Variants in CENPP observed in about 807,000 individuals in gnomAD.
CENPP encodes the protein centromere protein P.
CENPP carries 24 observed loss-of-function variants against 35.6 expected under a neutral mutation model. The observed-to-expected ratio is 0.67, with a 90% CI of 0.49 to 0.95. The LOEUF is 0.95. Ranked by LOEUF, CENPP falls within the 40% of genes least tolerant of loss-of-function variation. The pLI, the probability that CENPP is intolerant of heterozygous loss-of-function variation, is 0.00. For synonymous variants in CENPP, 120 were observed against 125.5 expected (o/e 0.96, Z 0.29); for missense variants, 332 against 345.3 (o/e 0.96, Z 0.31).
intron 5 of CENPP, among the ~76,000 whole-genome samples, chr9:92,488,298 C>T (rs1023003403): frequency 3.9e-5 from 6 of 152,142 alleles, no homozygotes; most frequent in African/African-American, 1.4e-4. Flanking sequence ...GCAGATAAGG[C>T]AGTTTGCCTT....
intron 5 of CENPP, among the ~76,000 whole-genome samples, chr9:92,603,274 A>C (rs938427101): frequency 3.9e-5 from 6 of 152,238 alleles, no homozygotes; most frequent in Non-Finnish European, 8.8e-5. Context: ...TTGATTGTCT[A>C]ACACACATAA....
chr9:92,489,446 C>T (rs767934208), intron 5 of CENPP, among the ~76,000 whole-genome samples: 1 of 152,128 alleles, frequency 6.6e-6, no homozygotes, highest in Non-Finnish European at 1.5e-5. Context: ...ACTCATTCAG[C>T]GGTTATTTCT....
At chr9:92,461,673 G>T (rs896656077) in intron 5 of CENPP, among the ~76,000 whole-genome samples, 2 of 152,176 alleles carry the variant, frequency 1.3e-5, no homozygotes, top group East Asian at 3.9e-4. Flanking sequence ...ATTCATGCAC[G>T]ATTGTTGCCT....
chr9:92,460,390 T>C, intron 5 of CENPP: 1 of 827,082 alleles, frequency 1.2e-6, no homozygotes, highest in South Asian at 1.7e-5. Context: ...AGCAACTGGC[T>C]AAACAGACAG....
chr9:92,587,133 A>G (rs925466287), intron 5 of CENPP, among the ~76,000 whole-genome samples: 4 of 152,314 alleles, frequency 2.6e-5, no homozygotes, highest in Middle Eastern at 3.4e-3. Flanking sequence ...ACAGGAAAAC[A>G]AAGTATGAAC....
chr9:92,500,873 A>T lies in CENPP; in HGVS notation c.565-110441A>T, dbSNP rs141859598. ...AGAAGGAGACACGGTCCATGCCATC[A>T]TCAGCAAGTTTGTTAAATGACAGGT... On this transcript the variant is annotated intron_variant, in intron 5 of 7. Coordinates refer to ENST00000375587, the MANE Select transcript of CENPP (RefSeq NM_001012267.3). 110 of 1,614,116 alleles carry T rather than the reference A, an allele frequency of 6.8e-5. No individual in the cohort carries two copies. Among genetic ancestry groups the T allele is most frequent in the Non-Finnish European group, 8.6e-5 (102 of 1,180,048 alleles).
At chr9:92,350,876 C>G (rs1483038317) in intron 4 of CENPP, among the ~76,000 whole-genome samples, 1 of 152,080 alleles carries the variant, frequency 6.6e-6, no homozygotes, top group Non-Finnish European at 1.5e-5. Flanking sequence ...GTCTCAAACT[C>G]CTAGGCTCAA....
At chr9:92,560,868 CTT>C (rs58467942) in intron 5 of CENPP, among the ~76,000 whole-genome samples, 33,013 of 126,068 alleles carry the variant, frequency 0.26, 5,641 homozygotes, top group African/African-American at 0.52. Context: ...TTTTTCTTGT[CTT>C]TTTTTTTTTT....
At chr9:92,328,973 C>A (rs2130771130) in intron 1 of CENPP, among the ~76,000 whole-genome samples, 1 of 152,280 alleles carries the variant, frequency 6.6e-6, no homozygotes, top group East Asian at 1.9e-4. Flanking sequence ...TTCATCACCC[C>A]TAAACTGAAA....
intron 4 of CENPP, among the ~76,000 whole-genome samples, chr9:92,363,951 T>C (rs565082513): frequency 1.3e-5 from 2 of 152,048 alleles, no homozygotes; most frequent in East Asian, 3.9e-4. Flanking sequence ...CAGGCTCAAG[T>C]GGTCCTCCCA....
chr9:92,435,327 A>G lies in CENPP; in HGVS notation c.564+55468A>G, dbSNP rs371690116. ...TCCTATTACCTTAGATTCTACTGCAATCATTTACTTTTTAATTAAAAATGT... is the reference window on the plus strand; with the variant it reads ...TCCTATTACCTTAGATTCTACTGCAGTCATTTACTTTTTAATTAAAAATGT... On this transcript the variant is annotated intron_variant, in intron 5 of 7. Transcript: ENST00000375587. Among the ~76,000 whole-genome samples the G allele has an allele frequency of 5.7e-4, 87 of 152,274 alleles. 1 individual carries two copies. The highest frequency in any genetic ancestry group is 1.8e-3 in the African/African-American group (73 of 41,550).
chr9:92,453,901 C>G (rs1844793504), intron 5 of CENPP, among the ~76,000 whole-genome samples: 1 of 151,882 alleles, frequency 6.6e-6, no homozygotes, highest in South Asian at 2.1e-4. Flanking sequence ...AGGAAGATCA[C>G]TTAAGCCCAA....
chr9:92,586,217 G>A (rs1021023920), intron 5 of CENPP, among the ~76,000 whole-genome samples: 105 of 152,248 alleles, frequency 6.9e-4, no homozygotes, highest in African/African-American at 2.3e-3. Context: ...GGCTAATTTT[G>A]TACTTTTAGT....
At chr9:92,502,195 C>G (rs1000736967) in intron 5 of CENPP, among the ~76,000 whole-genome samples, 3 of 152,172 alleles carry the variant, frequency 2.0e-5, no homozygotes, top group African/African-American at 7.2e-5. Flanking sequence ...GGGCAGACCT[C>G]GAAGTCAGAC....
chr9:92,333,271 C>T (rs955032854), intron 2 of CENPP, among the ~76,000 whole-genome samples: 1 of 152,178 alleles, frequency 6.6e-6, no homozygotes, highest in Admixed American at 6.5e-5. Flanking sequence ...ACCCTCATGA[C>T]AGGGGAGAGG....
Position 92,616,370 on chromosome 9 carries a change from G to A in CENPP, c.*3221G>A. ...CCAGGCGAGAGAGGGTTAAAGGACT[G>A]AAAGATGGAAAAGTAATTATGTGGA... On this transcript the variant is annotated 3_prime_UTR_variant, in exon 8 of 8. Transcript: ENST00000375587. 1 of 252,810 alleles carries A rather than the reference G, an allele frequency of 4.0e-6. No individual in the cohort carries two copies. Among genetic ancestry groups the A allele is most frequent in the Non-Finnish European group, 7.6e-6 (1 of 130,898 alleles). The allele number at this position is 252,810 out of a possible 1,614,324, so 15.7% of individuals were successfully genotyped here. A position where few individuals can be genotyped will look rare whatever the true frequency, so the allele number is the denominator to read the frequency against.
At chr9:92,379,977 T>G (rs1842209353) in intron 5 of CENPP, 118 bp downstream of exon 5, 3 of 661,198 alleles carry the variant, frequency 4.5e-6, no homozygotes, top group Non-Finnish European at 2.6e-6. Flanking sequence ...ATATTCTCAT[T>G]GACTTTTGGA....
chr9:92,394,738 G>A (rs979004308), intron 5 of CENPP, among the ~76,000 whole-genome samples: 1 of 151,152 alleles, frequency 6.6e-6, no homozygotes, highest in Non-Finnish European at 1.5e-5. Flanking sequence ...CCAAGTATCC[G>A]GGATTACAGG....
At chr9:92,425,381 CT>C (rs1843937703) in intron 5 of CENPP, among the ~76,000 whole-genome samples, 1 of 152,146 alleles carries the variant, frequency 6.6e-6, no homozygotes, top group Admixed American at 6.6e-5. Context: ...TAGCTATTGC[CT>C]TTATTTTGTA....
Sources: gnomAD v4.1 joint callset for allele counts (sites outside exome capture counted in the v4.1 genomes callset) on GRCh38, gnomAD v4.1.1 for gene constraint, MANE v1.5 for transcripts, NCBI Gene and HGNC (gene_info 2026-07-23, HGNC 2026-07-21) for gene names.